DLG1: variants seen among roughly 807,000 people sequenced by gnomAD.
DLG1 encodes discs large MAGUK scaffold protein 1.
In DLG1, 42 loss-of-function variants were observed where a neutral mutation model predicts 123.4. The observed-to-expected ratio is 0.34, with a 90% CI of 0.27 to 0.44. The LOEUF is 0.44. Ranked by LOEUF, DLG1 falls within the 20% of genes least tolerant of loss-of-function variation. The pLI, the probability that DLG1 is intolerant of heterozygous loss-of-function variation, is 1.00. For synonymous variants in DLG1, 317 were observed against 356.2 expected (o/e 0.89, Z 1.24); for missense variants, 942 against 1,082.6 (o/e 0.87, Z 1.82).
intron 14 of DLG1, among the ~76,000 whole-genome samples, chr3:197,092,003 C>T (rs189370291): frequency 1.1e-4 from 17 of 152,204 alleles, no homozygotes; most frequent in Non-Finnish European, 1.0e-4. Flanking sequence ...AGCTTAGAAA[C>T]ATTTAAAATT....
At chr3:197,095,683 T>G (rs1760258844) in intron 14 of DLG1, among the ~76,000 whole-genome samples, 1 of 152,242 alleles carries the variant, frequency 6.6e-6, no homozygotes, top group African/African-American at 2.4e-5. Context: ...GTAAAGTTAC[T>G]TTTCCCTTTT....
At chr3:197,203,479 C>T (rs971365751) in intron 4 of DLG1, among the ~76,000 whole-genome samples, 10 of 151,132 alleles carry the variant, frequency 6.6e-5, no homozygotes, top group Non-Finnish European at 1.3e-4. Flanking sequence ...ATCCAGTACA[C>T]ATCATCAATT....
chr3:197,157,847 C>G (rs1408785163), intron 5 of DLG1, among the ~76,000 whole-genome samples: 1 of 152,104 alleles, frequency 6.6e-6, no homozygotes, highest in African/African-American at 2.4e-5. Flanking sequence ...GACAGACATA[C>G]AGAAGGGAAT....
intron 4 of DLG1, chr3:197,260,294 T>C (rs1758762817): frequency 4.5e-6 from 2 of 440,436 alleles, no homozygotes; most frequent in South Asian, 3.3e-5. Context: ...TCCATTACTC[T>C]ACCATTACAA....
chr3:197,288,232 C>T (rs562675069), intron 3 of DLG1, among the ~76,000 whole-genome samples: 23 of 151,658 alleles, frequency 1.5e-4, no homozygotes, highest in South Asian at 1.3e-3. Flanking sequence ...GGCGTGGTGG[C>T]GCACGCCTGT....
chr3:197,272,782 C>T (rs980440689), intron 4 of DLG1, among the ~76,000 whole-genome samples: 3 of 152,096 alleles, frequency 2.0e-5, no homozygotes, highest in African/African-American at 4.8e-5. Flanking sequence ...TTTAAAAGAA[C>T]GCAAAACTAA....
intron 11 of DLG1, among the ~76,000 whole-genome samples, chr3:197,126,358 C>A (rs1368143871): frequency 1.3e-5 from 2 of 151,954 alleles, no homozygotes; most frequent in Non-Finnish European, 2.9e-5. Flanking sequence ...TGCCTGTAAT[C>A]CCAGCTACTG....
At position 197,119,497 on chromosome 3, in the gene DLG1, G is replaced by A; in HGVS notation, c.1199C>T (p.Pro400Leu). The change falls in exon 12 of 25, where the codon CCA (proline) becomes CTA (leucine). Residue 400 changes from proline (P) to leucine (L), a missense_variant. Transcript: ENST00000667157. ...SSQPVDNHVS[P>L]SSFLGQTPAS... ...TGGTGTCTGGCCCAAGAAGGAAGATGGGCTAACATGGTTATCAACAGGCTG... is the reference window on the plus strand; with the variant it reads ...TGGTGTCTGGCCCAAGAAGGAAGATAGGCTAACATGGTTATCAACAGGCTG... 4 of 1,611,024 alleles carry A rather than the reference G, an allele frequency of 2.5e-6. No individual in the cohort carries two copies. The highest frequency in any genetic ancestry group is 1.7e-4 in the Middle Eastern group (1 of 6,042).
intron 16 of DLG1, among the ~76,000 whole-genome samples, chr3:197,084,286 A>C (rs1752863868): frequency 6.6e-6 from 1 of 150,492 alleles, no homozygotes; most frequent in South Asian, 2.1e-4. Flanking sequence ...GCTTTAGATC[A>C]ATTTCTGCTT....
intron 5 of DLG1, among the ~76,000 whole-genome samples, chr3:197,154,994 CAGATA>C (rs1410869028): frequency 6.6e-6 from 1 of 152,066 alleles, no homozygotes; most frequent in Non-Finnish European, 1.5e-5. Context: ...TGAGAAATGA[CAGATA>C]AAAGAGTAGA....
At chr3:197,190,239 T>C (rs1718529027) in intron 5 of DLG1, among the ~76,000 whole-genome samples, 1 of 152,088 alleles carries the variant, frequency 6.6e-6, no homozygotes. Context: ...TGTCAGAAGT[T>C]TACTTGTAAA....
At chr3:197,104,450 G>A (rs1365489826) in intron 14 of DLG1, among the ~76,000 whole-genome samples, 2 of 152,286 alleles carry the variant, frequency 1.3e-5, no homozygotes, top group East Asian at 3.9e-4. Context: ...GGGAGGCTGA[G>A]GTGGGCGGAT....
intron 11 of DLG1, among the ~76,000 whole-genome samples, chr3:197,120,554 C>T (rs1775776816): frequency 6.6e-6 from 1 of 152,114 alleles, no homozygotes; most frequent in African/African-American, 2.4e-5. Context: ...TCAAAAGTAG[C>T]TGTATTATTT....
chr3:197,224,994 T>A (rs867132585), intron 4 of DLG1, among the ~76,000 whole-genome samples: 27 of 152,248 alleles, frequency 1.8e-4, no homozygotes, highest in Middle Eastern at 3.2e-3. Context: ...TCTCGCTCTG[T>A]GGCCCAGGCC....
chr3:197,057,410 T>C (rs1732511908), intron 23 of DLG1, among the ~76,000 whole-genome samples: 1 of 152,200 alleles, frequency 6.6e-6, no homozygotes, highest in South Asian at 2.1e-4. Context: ...AGTACTGTCA[T>C]CACGCTTGTA....
At chr3:197,166,202 G>A (rs1337241749) in intron 5 of DLG1, among the ~76,000 whole-genome samples, 2 of 152,162 alleles carry the variant, frequency 1.3e-5, no homozygotes, top group Admixed American at 1.3e-4. Context: ...GACTAAATGG[G>A]ATCTTCTGGA....
At chr3:197,219,122 C>A (rs1268997748) in intron 4 of DLG1, among the ~76,000 whole-genome samples, 1 of 151,454 alleles carries the variant, frequency 6.6e-6, no homozygotes, top group African/African-American at 2.4e-5. Flanking sequence ...AAGAGTGACA[C>A]TTGGACTCAA....
chr3:197,042,872 A>ATGTT lies in DLG1; in HGVS notation c.*1747_*1750dup, dbSNP rs1212324382. On this transcript the variant is annotated 3_prime_UTR_variant, in exon 25 of 25. Transcript: ENST00000667157. ...TGATGCCTCAAATTGTTTCAAGAAA[A>ATGTT]TGTTAGCTTGCAAAATATATTTTTT... 1 of 138,988 alleles carries ATGTT rather than the reference A, an allele frequency of 7.2e-6. No individual in the cohort carries two copies. Among genetic ancestry groups the ATGTT allele is most frequent in the Admixed American group, 7.6e-5 (1 of 13,176 alleles). 8.6% of individuals were successfully genotyped at this position (138,988 alleles called of 1,614,324 possible).
At chr3:197,225,769 A>G (rs1739564390) in intron 4 of DLG1, 1 of 152,670 alleles carries the variant, frequency 6.6e-6, no homozygotes, top group Non-Finnish European at 1.5e-5. Context: ...AAAGTCAATC[A>G]AACCATCTAA....
Sources: gnomAD v4.1 joint callset for allele counts (sites outside exome capture counted in the v4.1 genomes callset) on GRCh38, gnomAD v4.1.1 for gene constraint, MANE v1.5 for transcripts, NCBI Gene and HGNC (gene_info 2026-07-23, HGNC 2026-07-21) for gene names.